Variants in MORN1 observed in about 807,000 individuals in gnomAD.
The protein encoded by MORN1 is MORN repeat-containing protein 1.
Under a neutral mutation model 61.9 loss-of-function variants are expected in MORN1, and 67 were observed. The ratio of observed to expected loss-of-function variants is 1.08; its 90% CI spans 0.89 to 1.33. The LOEUF (loss-of-function observed/expected upper bound fraction) is 1.33. MORN1 is among the 40% of genes most tolerant of loss of function. The pLI, the probability that MORN1 is intolerant of heterozygous loss-of-function variation, is 0.00. For synonymous variants in MORN1, 301 were observed against 292.0 expected (o/e 1.03, Z -0.31); for missense variants, 752 against 691.2 (o/e 1.09, Z -0.99).
chr1:2,372,986 T>C lies in MORN1; in HGVS notation c.635-395A>G, dbSNP rs1642155686. Among the ~76,000 whole-genome samples the C allele has an allele frequency of 6.6e-6, 1 of 152,250 alleles. No homozygotes were observed. Among genetic ancestry groups the C allele is most frequent in the African/African-American group, 2.4e-5 (1 of 41,460 alleles). On this transcript the variant is annotated intron_variant, in intron 7 of 13. Coordinates refer to ENST00000378531, the MANE Select transcript of MORN1 (RefSeq NM_024848.3). This position sits in a 1 kb window ranked among gnomAD's most constrained non-coding sequence, Gnocchi z 5.4. ...CATCTGAGTCAGCACCCTGAGGTGC[T>C]GGACCTGGGACTAGGGCAAGGCCTG... is the stretch of plus-strand genomic sequence containing the variant.
chr1:2,385,454 C>T (rs1228570225), intron 5 of MORN1: 2 of 355,650 alleles, frequency 5.6e-6, no homozygotes, highest in African/African-American at 2.2e-5. Context: ...GGAGGCTCTG[C>T]TGGCCGGAGA....
chr1:2,357,340 TG>T lies in MORN1; in HGVS notation c.1036+91del. 1 of 1,419,272 alleles carries T rather than the reference TG, an allele frequency of 7.0e-7. No homozygotes were observed. Among genetic ancestry groups the T allele is most frequent in the Non-Finnish European group, 9.5e-7 (1 of 1,047,870 alleles). 87.9% of individuals were successfully genotyped at this position (1,419,272 alleles called of 1,614,324 possible). A position where few individuals can be genotyped will look rare whatever the true frequency, so the allele number is the denominator to read the frequency against. ...CCCTGGGTGCGGCTTGCTCCTGCTC[TG>T]GCCTGGTTCTGGGTCCCCATGACCC... On this transcript the variant is annotated intron_variant, in intron 10 of 13. Coordinates refer to ENST00000378531, the MANE Select transcript of MORN1 (RefSeq NM_024848.3). The surrounding 1 kb of genome is among the most constrained non-coding windows in gnomAD (Gnocchi z 6.3).
chr1:2,380,462 C>T (rs535234671), intron 6 of MORN1, among the ~76,000 whole-genome samples: 1 of 152,324 alleles, frequency 6.6e-6, no homozygotes, highest in Non-Finnish European at 1.5e-5. Context: ...CACAGTGAGA[C>T]CTCGCCTCTT....
At chr1:2,329,602 GC>G (rs773973670) in intron 12 of MORN1, among the ~76,000 whole-genome samples, 7 of 152,202 alleles carry the variant, frequency 4.6e-5, no homozygotes, top group Non-Finnish European at 1.0e-4. Flanking sequence ...TCTCCTGGGT[GC>G]CTGGGGATGG....
At position 2,334,873 on chromosome 1, in the gene MORN1, C is replaced by T. The variant is rs72920948; in HGVS notation, c.1250+1596G>A. On this transcript the variant is annotated intron_variant, in intron 12 of 13. Coordinates refer to ENST00000378531, the MANE Select transcript of MORN1 (RefSeq NM_024848.3). This position sits in a 1 kb window ranked among gnomAD's most constrained non-coding sequence, Gnocchi z 5.4. ...AGACGTTCCAACATCACCCTCAGCG[C>T]GGAGGTTGCCACGGTTCTGGAGCGA... Among the ~76,000 whole-genome samples, 6,223 of 152,276 alleles carry T rather than the reference C, an allele frequency of 0.041. 226 individuals are homozygous for T. The highest frequency in any genetic ancestry group is 0.086 in the African/African-American group (3,580 of 41,566).
At chr1:2,336,650 G>A in intron 11 of MORN1, 67 bp downstream of exon 11, 1 of 1,570,230 alleles carries the variant, frequency 6.4e-7, no homozygotes, top group Admixed American at 1.7e-5. Context: ...TGGGTGTTGA[G>A]GTGGTGGGTG....
chr1:2,341,599 G>A (rs942230556), intron 10 of MORN1, among the ~76,000 whole-genome samples: 4 of 151,714 alleles, frequency 2.6e-5, no homozygotes, highest in Admixed American at 2.6e-4. Flanking sequence ...GCTGAGGCAC[G>A]AGAATCGCTT....
intron 13 of MORN1, chr1:2,322,977 C>T (rs1042602595): frequency 9.1e-6 from 9 of 985,348 alleles, no homozygotes; most frequent in Admixed American, 1.2e-4. Flanking sequence ...ACGTACATGG[C>T]TTAGCCCCAA....
At chr1:2,373,668 T>C (rs975598698) in intron 7 of MORN1, among the ~76,000 whole-genome samples, 1 of 152,166 alleles carries the variant, frequency 6.6e-6, no homozygotes, top group Non-Finnish European at 1.5e-5. Context: ...CAGGGTGCAC[T>C]GTGTGCGTGC....
chr1:2,358,711 C>T lies in MORN1; in HGVS notation c.750G>A (p.Glu250=), dbSNP rs755810154. 6.2e-7 allele frequency: 1 copy of T among 1,609,952 alleles called. No homozygotes were observed. ...CTGAGATCTGCAGGACCCGGCCGCT[C>T]TCGCCTTCCAGGAGAGAGGAGCAGG... ...LQDHGEIAKS[E]SGRVLQISAG... Residue 250 remains glutamate (E), a synonymous_variant, in exon 9 of 14, where the codon GAG becomes GAA. Transcript: ENST00000378531.
Position 2,336,828 on chromosome 1 carries a change from A to G in MORN1, c.1059T>C (p.Cys353=). The change falls in exon 11 of 14, where the codon TGT becomes TGC. Residue 353 remains cysteine, a synonymous_variant. Transcript: ENST00000378531. ...GCTCCACTCGCTGACAGGCCCCGGG[A>G]CAATGGGGCGCATGTCCCCTGGCTG... The part of the protein sequence containing the change: ...GLLARGHAPH[C]PGACQRVEQG... 1.3e-6 allele frequency: 2 copies of G among 1,586,120 alleles called. No individual in the cohort carries two copies. Among genetic ancestry groups the G allele is most frequent in the South Asian group, 2.3e-5 (2 of 86,940 alleles).
chr1:2,324,783 C>T (rs1195134594), intron 12 of MORN1, among the ~76,000 whole-genome samples: 1 of 152,110 alleles, frequency 6.6e-6, no homozygotes, highest in South Asian at 2.1e-4. Context: ...CTGGGGGGGC[C>T]CACCACCCAC....
At chr1:2,322,551 C>T (rs1640906046) in intron 13 of MORN1, 1 of 983,754 alleles carries the variant, frequency 1.0e-6, no homozygotes, top group African/African-American at 1.8e-5. Context: ...GAGTCAGCTC[C>T]TTTAGAAAAA....
At chr1:2,333,535 G>T (rs1641204490) in intron 12 of MORN1, among the ~76,000 whole-genome samples, 1 of 152,228 alleles carries the variant, frequency 6.6e-6, no homozygotes, top group Non-Finnish European at 1.5e-5. Context: ...ACTGTAGGGG[G>T]ACCCGAGGGA....
chr1:2,380,331 C>T (rs1042471274), intron 6 of MORN1, among the ~76,000 whole-genome samples: 11 of 152,262 alleles, frequency 7.2e-5, no homozygotes, highest in African/African-American at 2.2e-4. Flanking sequence ...CCTCCTGCCA[C>T]GCCACTGCAC....
chr1:2,387,246 G>T (rs1185269372), intron 4 of MORN1, 173 bp downstream of exon 4: 4 of 631,804 alleles, frequency 6.3e-6, no homozygotes, highest in Non-Finnish European at 1.1e-5. Context: ...GTGTATGCCG[G>T]GCATAGGACA....
At chr1:2,379,007 C>G (rs1395072890) in intron 6 of MORN1, 1 of 470,816 alleles carries the variant, frequency 2.1e-6, no homozygotes, top group Non-Finnish European at 4.4e-6. Flanking sequence ...TTCAGGAATG[C>G]ATTTTTTTCT....
rs537333508 is a variant in MORN1 at position 2,330,513 on chromosome 1, T to C, written c.1250+5956A>G. Among the ~76,000 whole-genome samples, 9 of 152,036 alleles carry C rather than the reference T, an allele frequency of 5.9e-5. No homozygotes were observed. In the East Asian group the frequency reaches 1.7e-3, roughly 29 times the overall value. ...CCTGTGTGGGACACTCTGCGGTCAC[T>C]GGCGACAGAGCCAGGAAGGGGCTCG... On this transcript the variant is annotated intron_variant, in intron 12 of 13. Transcript: ENST00000378531.
In MORN1 at chr1:2,372,905, G is replaced by A. The variant is rs901252734; in HGVS notation, c.635-314C>T. 1.3e-5 allele frequency among the ~76,000 whole-genome samples: 2 copies of A among 152,252 alleles called. No homozygotes were observed. The highest frequency in any genetic ancestry group is 2.9e-5 in the Non-Finnish European group (2 of 68,044). On this transcript the variant is annotated intron_variant, in intron 7 of 13. Transcript: ENST00000378531. The surrounding 1 kb of genome is among the most constrained non-coding windows in gnomAD (Gnocchi z 5.4). Reference sequence around the variant, plus strand: ...GTGGGGCTGTTGGGTTTTCCTGCCCGTGGAATGTTCCCGCACGTCTTCCCG... The same window carrying A: ...GTGGGGCTGTTGGGTTTTCCTGCCCATGGAATGTTCCCGCACGTCTTCCCG...
Sources: gnomAD v4.1 joint callset for allele counts (sites outside exome capture counted in the v4.1 genomes callset) on GRCh38, gnomAD v4.1.1 for gene constraint, Gnocchi (gnomAD v3.1) non-coding constraint, MANE v1.5 for transcripts, NCBI Gene and HGNC (gene_info 2026-07-23, HGNC 2026-07-21) for gene names.